The following PRH1 variants were observed in gnomAD, a reference collection of about 807,000 sequenced individuals.
PRH1 encodes the protein salivary acidic proline-rich phosphoprotein 1/2.
Under a neutral mutation model 7.9 loss-of-function variants are expected in PRH1, and 7 were observed. The ratio of observed to expected loss-of-function variants is 0.89; its 90% CI spans 0.50 to 1.67. The LOEUF is 1.67. PRH1 is among the 40% of genes most tolerant of loss of function. The probability of loss-of-function intolerance (pLI) is 0.00; values close to 1 mark genes in which losing one functional copy is unlikely to be tolerated. For missense variants in PRH1, 109 were observed against 223.6 expected (o/e 0.49, Z 3.27); for synonymous variants, 45 against 80.8 (o/e 0.56, Z 2.38).
At chr12:10,886,841 C>T (rs778267013), upstream of PRH1, among the ~76,000 whole-genome samples, 3 of 152,142 alleles carry the variant, frequency 2.0e-5, no homozygotes, top group Non-Finnish European at 4.4e-5. Flanking sequence ...TTTCAAAATA[C>T]GTCCCAAATA....
At chr12:11,150,876 C>T (rs568065991) in intron 1 of PRH1, among the ~76,000 whole-genome samples, 1 of 152,222 alleles carries the variant, frequency 6.6e-6, no homozygotes, top group African/African-American at 2.4e-5. Context: ...CTATACCAGA[C>T]TCCATTATAT....
At chr12:10,939,923 TTTAA>T (rs1199781200) in intron 2 of PRH1, among the ~76,000 whole-genome samples, 4 of 152,218 alleles carry the variant, frequency 2.6e-5, no homozygotes, top group African/African-American at 9.6e-5. Context: ...ATTAGTTTCA[TTTAA>T]TTATTCCACA....
chr12:11,022,282 C>A (rs1386728330), intron 1 of PRH1: 1 of 1,614,022 alleles, frequency 6.2e-7, no homozygotes, highest in African/African-American at 1.3e-5. Context: ...AGCAGCAAGC[C>A]ACATGCTGAA....
At chr12:11,149,302 T>C (rs1221115550) in intron 1 of PRH1, among the ~76,000 whole-genome samples, 1 of 152,228 alleles carries the variant, frequency 6.6e-6, no homozygotes, top group African/African-American at 2.4e-5. Flanking sequence ...TCTGCTCTGA[T>C]TTTAGTTATT....
intron 3 of PRH1, among the ~76,000 whole-genome samples, chr12:10,881,804 A>G (rs567214795): frequency 1.6e-4 from 24 of 152,336 alleles, no homozygotes; most frequent in African/African-American, 5.5e-4. Flanking sequence ...ACCATTTTAC[A>G]ACTGAAAGTT....
rs542989582 is a variant in PRH1 at position 10,955,168 on chromosome 12, G to A, written c.-59+18487C>T. On this transcript the variant is annotated intron_variant, in intron 2 of 3. Coordinates refer to the PRH1 transcript ENST00000539853. ...GCACATGGCATATAATCTAAAATCAGCCACACAACCTAACATAAAACAATT... is the reference window on the plus strand; with the variant it reads ...GCACATGGCATATAATCTAAAATCAACCACACAACCTAACATAAAACAATT... 5.9e-5 allele frequency among the ~76,000 whole-genome samples: 9 copies of A among 151,900 alleles called. No individual in the cohort carries two copies. The East Asian group carries it at 1.7e-3, about 29-fold the overall frequency.
chr12:11,061,449 T>G lies in PRH1; in HGVS notation n.124-14261A>C, dbSNP rs763206168. The stretch of plus-strand genomic sequence containing the variant: ...GAAAAGTCTGCTTTAGCTTCTTGTT[T>G]CCCCAAATCAGGATGAATGGGTGGG... On this transcript the variant is annotated intron_variant and non_coding_transcript_variant, in intron 1 of 4. Coordinates refer to the PRH1 transcript ENST00000541977. 6.2e-6 allele frequency: 10 copies of G among 1,614,164 alleles called. No individual in the cohort carries two copies. The South Asian group carries it at 1.1e-4, about 18-fold the overall frequency.
intron 1 of PRH1, among the ~76,000 whole-genome samples, chr12:11,130,512 A>C (rs534092493): frequency 6.6e-6 from 1 of 152,212 alleles, no homozygotes. Flanking sequence ...ACTGGTCTCA[A>C]ATGGAGCCCA....
In PRH1 at chr12:11,044,922, A is replaced by G. The variant is rs1942850363; in HGVS notation, c.-126+2098T>C. ...AGTTTTCTTAAAAGACAAAAATTAG[A>G]GCTACCATATGTTCCACCAATCTCA... On this transcript the variant is annotated intron_variant, in intron 1 of 3. Coordinates refer to the PRH1 transcript ENST00000539853. Among the ~76,000 whole-genome samples, 3 of 152,242 alleles carry G rather than the reference A, an allele frequency of 2.0e-5. No homozygotes were observed. The South Asian group carries it at 6.2e-4, about 32-fold the overall frequency.
At chr12:11,131,578 T>C (rs915839870) in intron 1 of PRH1, among the ~76,000 whole-genome samples, 4 of 152,268 alleles carry the variant, frequency 2.6e-5, no homozygotes, top group East Asian at 1.9e-4. Context: ...TAGAAAAAAA[T>C]ACATACGCAA....
At chr12:10,910,152 C>T (rs187904607) in intron 2 of PRH1, among the ~76,000 whole-genome samples, 81 of 152,266 alleles carry the variant, frequency 5.3e-4, no homozygotes, top group Middle Eastern at 3.4e-3. Flanking sequence ...ATCCATGAGG[C>T]CTATGTCCCA....
At chr12:11,028,124 T>A (rs1942009125) in intron 1 of PRH1, among the ~76,000 whole-genome samples, 1 of 152,206 alleles carries the variant, frequency 6.6e-6, no homozygotes, top group Admixed American at 6.5e-5. Flanking sequence ...ATTTGGGACT[T>A]GAATGCATCA....
At chr12:10,980,688 A>C (rs1156558189) in intron 1 of PRH1, among the ~76,000 whole-genome samples, 1 of 152,180 alleles carries the variant, frequency 6.6e-6, no homozygotes, top group African/African-American at 2.4e-5. Context: ...GATTGATTAA[A>C]GGTTGAAGAA....
intron 2 of PRH1, among the ~76,000 whole-genome samples, chr12:10,897,983 G>A (rs1013062161): frequency 1.3e-5 from 2 of 152,156 alleles, no homozygotes; most frequent in Non-Finnish European, 1.5e-5. Context: ...CATCAGAATA[G>A]AATTATTTAG....
At chr12:10,971,121 C>CA (rs1938795065) in intron 2 of PRH1, among the ~76,000 whole-genome samples, 1 of 152,130 alleles carries the variant, frequency 6.6e-6, no homozygotes, top group Admixed American at 6.5e-5. Context: ...ACATCTTGGT[C>CA]AAAAAATAGA....
intron 2 of PRH1, among the ~76,000 whole-genome samples, chr12:10,900,562 T>A (rs1949708949): frequency 6.6e-6 from 1 of 152,046 alleles, no homozygotes; most frequent in Non-Finnish European, 1.5e-5. Flanking sequence ...CTATCCCCCA[T>A]CACAGGCCTG....
intron 1 of PRH1, among the ~76,000 whole-genome samples, chr12:11,085,892 A>G (rs551027614): frequency 8.4e-6 from 1 of 118,484 alleles, no homozygotes; most frequent in Admixed American, 8.4e-5. Context: ...CTGCACTGTT[A>G]TATGTAGCTT....
At chr12:11,102,623 C>G (rs925110609) in intron 1 of PRH1, among the ~76,000 whole-genome samples, 5 of 152,108 alleles carry the variant, frequency 3.3e-5, no homozygotes, top group African/African-American at 1.2e-4. Flanking sequence ...ATTCAGGACA[C>G]AGGCATGGGC....
chr12:10,892,961 A>G (rs899473188), intron 2 of PRH1, among the ~76,000 whole-genome samples: 2 of 152,202 alleles, frequency 1.3e-5, no homozygotes, highest in African/African-American at 4.8e-5. Context: ...GAGCCTAAGT[A>G]TGGTAAGCTG....
Sources: gnomAD v4.1 joint callset for allele counts (sites outside exome capture counted in the v4.1 genomes callset) on GRCh38, gnomAD v4.1.1 for gene constraint, MANE v1.5 for transcripts, NCBI Gene and HGNC (gene_info 2026-07-23, HGNC 2026-07-21) for gene names.